TRAK1: variants seen among roughly 807,000 people sequenced by gnomAD.
TRAK1 encodes the protein trafficking kinesin protein 1, also known as trafficking kinesin-binding protein 1.
A neutral mutation model predicts 92.1 loss-of-function variants in TRAK1; 33 were observed. That is an observed-to-expected ratio of 0.36 (90% CI 0.27 to 0.48). TRAK1 has a LOEUF of 0.48. TRAK1 is among the 20% of genes least tolerant of loss of function. The pLI is 0.99. For missense variants in TRAK1, 1,123 were observed against 1,257.9 expected, an observed-to-expected ratio of 0.89 and a Z score of 1.62; for synonymous variants, 521 against 517.3, an observed-to-expected ratio of 1.01 and a Z score of -0.10.
At chr3:42,030,372 A>AATATAT (rs1553701575) in intron 1 of TRAK1, among the ~76,000 whole-genome samples, 227 of 132,314 alleles carry the variant, frequency 1.7e-3, no homozygotes, top group East Asian at 0.012. Context: ...TAAAAAAAAA[A>AATATAT]ATATATATAT....
At chr3:42,085,065 A>G (rs1704608855), upstream of TRAK1, among the ~76,000 whole-genome samples, 1 of 152,100 alleles carries the variant, frequency 6.6e-6, no homozygotes, top group Non-Finnish European at 1.5e-5. Context: ...TTTACATGAC[A>G]CTCAAAGGAA....
upstream of TRAK1, among the ~76,000 whole-genome samples, chr3:42,085,813 G>A (rs909889553): frequency 6.6e-6 from 1 of 152,152 alleles, no homozygotes; most frequent in African/African-American, 2.4e-5. Context: ...CATATGTATT[G>A]TAATAGAAAT....
Position 42,112,135 on chromosome 3 carries a change from C to CTT in TRAK1, c.92-13262_92-13261dup, listed in dbSNP as rs1223261204. ...ATCTAATCCCTTTCCTCAGCTCTTA[C>CTT]TTTTTTTTTTTTTTTTTTTTTTTTG... On this transcript the variant is annotated intron_variant, in intron 1 of 15. Transcript: ENST00000327628. Among the ~76,000 whole-genome samples, 484 of 71,038 alleles carry CTT rather than the reference C, an allele frequency of 6.8e-3. 2 individuals are homozygous for CTT. The highest frequency in any genetic ancestry group is 8.6e-3 in the African/African-American group (146 of 17,008). 46.6% of individuals were successfully genotyped at this position (71,038 alleles called of 152,430 possible). A position where few individuals can be genotyped will look rare whatever the true frequency, so the allele number is the denominator to read the frequency against.
At chr3:42,071,433 C>T (rs567065285) in intron 1 of TRAK1, among the ~76,000 whole-genome samples, 2 of 152,196 alleles carry the variant, frequency 1.3e-5, no homozygotes, top group South Asian at 2.1e-4. Context: ...CTTGGTAGGG[C>T]GTGGTGGCTC....
chr3:42,067,267 A>G (rs532896543), intron 1 of TRAK1, among the ~76,000 whole-genome samples: 21 of 152,350 alleles, frequency 1.4e-4, no homozygotes, highest in African/African-American at 5.1e-4. Flanking sequence ...AGGAACTTTT[A>G]TGTGATACAG....
chr3:42,210,734 A>T, intron 14 of TRAK1: 2 of 985,990 alleles, frequency 2.0e-6, no homozygotes, highest in Non-Finnish European at 2.4e-6. Flanking sequence ...GTGGATTTTT[A>T]AAAAGTGTTT....
rs1710692424 is a variant in TRAK1 at position 42,225,596 on chromosome 3, TTGCCAGAAATACCA to T, written c.*1862_*1875del. ...ATTCAGAGAGAGAAGCCACTCATCA[TTGCCAGAAATACCA>T]TGTAAAAATTGGCAGTTCAGAGGTT... On this transcript the variant is annotated 3_prime_UTR_variant, in exon 16 of 16. Coordinates refer to ENST00000327628, the MANE Select transcript of TRAK1 (RefSeq NM_001042646.3). The T allele has an allele frequency of 6.6e-6, 1 of 152,254 alleles. No individual in the cohort carries two copies. Among genetic ancestry groups the T allele is most frequent in the South Asian group, 2.1e-4 (1 of 4,828 alleles). The allele number at this position is 152,254 out of a possible 1,614,324, so 9.4% of individuals were successfully genotyped here.
In TRAK1 at chr3:42,222,987, G is replaced by A. The variant is rs528706359; in HGVS notation, c.2112G>A (p.Leu704=). 10 of 1,613,916 alleles carry A rather than the reference G, an allele frequency of 6.2e-6. No individual in the cohort carries two copies. The African/African-American group carries it at 8.0e-5, about 13-fold the overall frequency. Residue 704 remains leucine (L), a synonymous_variant, in exon 16 of 16, where the codon TTG becomes TTA. Coordinates refer to ENST00000327628, the MANE Select transcript of TRAK1 (RefSeq NM_001042646.3). ...CAGCTTGTGGCAGCACCAGCCACTT[G>A]AAATCCACGCCGGTGGCCACACCAT... is the stretch of plus-strand genomic sequence containing the variant. ...PTPACGSTSH[L]KSTPVATPCT... is the part of the protein sequence containing the mutation.
At chr3:42,070,033 G>A (rs1559735972) in intron 1 of TRAK1, among the ~76,000 whole-genome samples, 1 of 151,670 alleles carries the variant, frequency 6.6e-6, no homozygotes, top group Non-Finnish European at 1.5e-5. Context: ...TGCATTTTTA[G>A]TAGAGACAGG....
At chr3:42,091,609 G>T (rs1449394458) in intron 1 of TRAK1, 49 bp downstream of exon 1, 1 of 1,566,076 alleles carries the variant, frequency 6.4e-7, no homozygotes, top group African/African-American at 1.4e-5. Flanking sequence ...TTTGTGGTGT[G>T]GTCGGAAAGG....
At chr3:42,093,677 C>CTCCCCTCCCCTCCCT (rs1705465875) in intron 1 of TRAK1, among the ~76,000 whole-genome samples, 1 of 18,808 alleles carries the variant, frequency 5.3e-5, no homozygotes. Context: ...CTCCCCTCCC[C>CTCCCCTCCCCTCCCT]TCCCCTCCCC....
Position 42,095,409 on chromosome 3 carries a change from A to G in TRAK1, c.91+3849A>G, listed in dbSNP as rs530666463. Reference sequence around the variant, plus strand: ...ATTTTTTTTCTGTTTTACTAATTTCATTTACTGTTAAATGGGGTTTTAAAT... The same window carrying G: ...ATTTTTTTTCTGTTTTACTAATTTCGTTTACTGTTAAATGGGGTTTTAAAT... On this transcript the variant is annotated intron_variant, in intron 1 of 15. Transcript: ENST00000327628. Among the ~76,000 whole-genome samples the G allele has an allele frequency of 3.2e-4, 49 of 152,100 alleles. 1 individual carries two copies. The South Asian group carries it at 9.5e-3, about 30-fold the overall frequency.
chr3:42,131,623 CAGG>C (rs1697202883), intron 2 of TRAK1, among the ~76,000 whole-genome samples: 1 of 151,808 alleles, frequency 6.6e-6, no homozygotes, highest in African/African-American at 2.4e-5. Flanking sequence ...GAGGCTGAGA[CAGG>C]AGAATCTCTT....
chr3:42,099,401 A>G (rs889812729), intron 1 of TRAK1, among the ~76,000 whole-genome samples: 7 of 152,204 alleles, frequency 4.6e-5, no homozygotes, highest in African/African-American at 1.7e-4. Context: ...CACCAACTCC[A>G]GACCTGAGTG....
rs543040913 is a variant in TRAK1, at chr3:42,121,485, T to C, written c.92-3935T>C. On this transcript the variant is annotated intron_variant, in intron 1 of 15. Coordinates refer to ENST00000327628, the MANE Select transcript of TRAK1 (RefSeq NM_001042646.3). The stretch of plus-strand genomic sequence containing the variant: ...CATGTTAGCCAGGATGGTCTCGATC[T>C]CCTGACCTCGTGATCCGCCCGCCTT... Among the ~76,000 whole-genome samples the C allele has an allele frequency of 4.4e-3, 662 of 152,158 alleles. 4 individuals carry two copies. Among genetic ancestry groups the C allele is most frequent in the Admixed American group, 9.0e-3 (137 of 15,296 alleles).
chr3:42,130,945 C>G (rs888199173), intron 2 of TRAK1, among the ~76,000 whole-genome samples: 2 of 152,090 alleles, frequency 1.3e-5, no homozygotes, highest in Non-Finnish European at 2.9e-5. Flanking sequence ...AGAGTTGTGT[C>G]CATAAAGTAG....
intron 2 of TRAK1, among the ~76,000 whole-genome samples, chr3:42,128,294 C>T (rs904676181): frequency 6.6e-6 from 1 of 152,142 alleles, no homozygotes; most frequent in African/African-American, 2.4e-5. Context: ...AAGGAGAAAT[C>T]CTGGTAGTAG....
chr3:42,072,498 G>T (rs1703977749), intron 1 of TRAK1, among the ~76,000 whole-genome samples: 1 of 151,894 alleles, frequency 6.6e-6, no homozygotes, highest in Admixed American at 6.6e-5. Flanking sequence ...TTATAAATCT[G>T]CTGCCATCAG....
chr3:42,191,895 A>T (rs1418981586), intron 7 of TRAK1, among the ~76,000 whole-genome samples: 24 of 72,768 alleles, frequency 3.3e-4, no homozygotes, highest in Admixed American at 6.6e-4. Flanking sequence ...GAATATTGGA[A>T]TTTTTTTTTT....
Sources: gnomAD v4.1 joint callset for allele counts (sites outside exome capture counted in the v4.1 genomes callset) on GRCh38, gnomAD v4.1.1 for gene constraint, MANE v1.5 for transcripts, NCBI Gene and HGNC (gene_info 2026-07-23, HGNC 2026-07-21) for gene names.